Variants in NBPF26 observed in about 807,000 individuals in gnomAD.
NBPF26 encodes NBPF member 26.
NBPF26 carries 79 observed loss-of-function variants against 119.6 expected under a neutral mutation model. That is an observed-to-expected ratio of 0.66 (90% CI 0.55 to 0.80). The LOEUF (loss-of-function observed/expected upper bound fraction) is 0.80, where lower values mean the gene tolerates loss of function less well. Ranked by LOEUF, NBPF26 falls within the 30% of genes least tolerant of loss-of-function variation. The pLI is 0.00. For missense variants in NBPF26, 800 were observed against 1,198.2 expected, an observed-to-expected ratio of 0.67 and a Z score of 4.91; for synonymous variants, 299 against 457.7, an observed-to-expected ratio of 0.65 and a Z score of 4.43.
At chr1:120,805,033 CTG>C (rs1452276810) in intron 4 of NBPF26, among the ~76,000 whole-genome samples, 5 of 120,204 alleles carry the variant, frequency 4.2e-5, no homozygotes, top group Non-Finnish European at 8.3e-5. Context: ...TGTTGGGAAA[CTG>C]TTTCTGCCTT....
Position 120,807,832 on chromosome 1 carries a change from G to A in NBPF26, c.1064+123G>A, listed in dbSNP as rs1459289903. The A allele has an allele frequency of 7.5e-6, 4 of 533,098 alleles. No homozygotes were observed. The South Asian group carries it at 8.2e-5, about 11-fold the overall frequency. 33.0% of individuals were successfully genotyped at this position (533,098 alleles called of 1,614,324 possible). The stretch of plus-strand genomic sequence containing the variant: ...GGAAGGGCAGGAATTGCCATGGCAG[G>A]CTCGCTACACACAAATATTTATCAA... On this transcript the variant is annotated intron_variant, in intron 6 of 29. Coordinates refer to ENST00000620612, the Ensembl canonical transcript of NBPF26.
At chr1:120,833,192 T>A (rs1218583922) in intron 23 of NBPF26, among the ~76,000 whole-genome samples, 1 of 118,182 alleles carries the variant, frequency 8.5e-6, no homozygotes, top group African/African-American at 4.6e-5. Context: ...TTGACCATAC[T>A]TCAAAAGCTG....
At position 120,793,800 on chromosome 1, in the gene NBPF26, G is replaced by T. The variant is rs1226930762; in HGVS notation, c.751+304G>T. On this transcript the variant is annotated intron_variant, in intron 4 of 29. Coordinates refer to ENST00000620612, the Ensembl canonical transcript of NBPF26. ...TCTGGGAAAGAGACAGGCAAGTCTG[G>T]AATGGAAAAGAACACGATGAGAATT... The T allele has an allele frequency of 1.3e-4, 128 of 996,130 alleles. 28 individuals are homozygous for T. The highest frequency in any genetic ancestry group is 1.6e-4 in the Non-Finnish European group (111 of 677,404). 61.7% of individuals were successfully genotyped at this position (996,130 alleles called of 1,614,324 possible). A position where few individuals can be genotyped will look rare whatever the true frequency, so the allele number is the denominator to read the frequency against.
intron 2 of NBPF26, among the ~76,000 whole-genome samples, chr1:120,781,582 GAGA>G: frequency 3.9e-5 from 1 of 25,806 alleles, no homozygotes; most frequent in African/African-American, 5.5e-4. Context: ...TTTTTTTTTT[GAGA>G]GGGAGTCTCG....
In NBPF26 at chr1:120,794,245, G is replaced by A. The variant is rs1651530468; in HGVS notation, c.751+749G>A. Among the ~76,000 whole-genome samples the A allele has an allele frequency of 2.6e-5, 3 of 113,390 alleles. 1 individual carries two copies. Among genetic ancestry groups the A allele is most frequent in the African/African-American group, 5.3e-5 (1 of 18,792 alleles). 74.4% of individuals were successfully genotyped at this position (113,390 alleles called of 152,430 possible). ...GAAATAAAAAGAGGAGCAGTGTCGGGGAGCTTGGGGCCTGGTGTTCCATGG... is the reference window on the plus strand; with the variant it reads ...GAAATAAAAAGAGGAGCAGTGTCGGAGAGCTTGGGGCCTGGTGTTCCATGG... On this transcript the variant is annotated intron_variant, in intron 4 of 29. Coordinates refer to ENST00000620612, the Ensembl canonical transcript of NBPF26.
intron 2 of NBPF26, among the ~76,000 whole-genome samples, chr1:120,783,860 A>G (rs1373564077): frequency 4.6e-5 from 5 of 107,648 alleles, no homozygotes; most frequent in South Asian, 2.8e-4. Flanking sequence ...TTAAAACGGT[A>G]CATGGAGTGG....
At position 120,777,603 on chromosome 1, in the gene NBPF26, G is replaced by T. The variant is rs1175764545; in HGVS notation, c.156-7371G>T. ...CTATACACAAATACTTTTTTTTAAA[G>T]TTCTTTTTGTTTTTCCTTCTTGCTG... On this transcript the variant is annotated intron_variant, in intron 2 of 29. Transcript: ENST00000620612. Among the ~76,000 whole-genome samples, 2 of 87,106 alleles carry T rather than the reference G, an allele frequency of 2.3e-5. 1 individual carries two copies. Among genetic ancestry groups the T allele is most frequent in the Non-Finnish European group, 4.1e-5 (2 of 49,070 alleles). The allele number at this position is 87,106 out of a possible 152,430, so 57.1% of individuals were successfully genotyped here. A position where few individuals can be genotyped will look rare whatever the true frequency, so the allele number is the denominator to read the frequency against.
chr1:120,824,020 G>A (rs1553272415), exon 18 of NBPF26: 6 of 696,046 alleles, frequency 8.6e-6, no homozygotes, highest in East Asian at 2.6e-5. Flanking sequence ...AGTCTTGCAG[G>A]ACTCACTGGA....
chr1:120,823,752 C>CTGTGTGTGTG (rs1177031452), intron 17 of NBPF26, among the ~76,000 whole-genome samples: 14,848 of 73,070 alleles, frequency 0.2, 2,899 homozygotes, highest in Middle Eastern at 0.25. Flanking sequence ...TGAGCTCGCT[C>CTGTGTGTGTG]TGTGTGTGTG....
chr1:120,789,692 G>T (rs1211054057), intron 3 of NBPF26, among the ~76,000 whole-genome samples: 1 of 69,736 alleles, frequency 1.4e-5, no homozygotes, highest in Non-Finnish European at 2.5e-5. Flanking sequence ...ATCAAAAGGT[G>T]TTGGTGGGGT....
chr1:120,819,177 A>G (rs1429483385), intron 15 of NBPF26, among the ~76,000 whole-genome samples: 2 of 124,280 alleles, frequency 1.6e-5, no homozygotes, highest in East Asian at 2.0e-4. Context: ...TAGGGTGCAT[A>G]TATATTTAGG....
intron 1 of NBPF26, among the ~76,000 whole-genome samples, chr1:120,760,180 CTTTTTTTTTTT>C (rs1161423259): frequency 6.6e-5 from 1 of 15,172 alleles, no homozygotes; most frequent in African/African-American, 7.3e-4. Flanking sequence ...TCTACCACAG[CTTTTTTTTTTT>C]TTTTTTTTTT....
At chr1:120,757,848 TACTC>T (rs1358197077) in intron 1 of NBPF26, among the ~76,000 whole-genome samples, 1 of 28,180 alleles carries the variant, frequency 3.5e-5, no homozygotes, top group Non-Finnish European at 6.3e-5. Flanking sequence ...TTGCTTCAAA[TACTC>T]AGAAAAGACG....
Position 120,822,087 on chromosome 1 carries a change from C to T in NBPF26, c.2424-17C>T, listed in dbSNP as rs1437712914. Reference sequence around the variant, plus strand: ...TGGTTAAATCTTCTGTCATCCCTGTCCTGCCTGGCTCATCAGGAATCTGCA... The same window carrying T: ...TGGTTAAATCTTCTGTCATCCCTGTTCTGCCTGGCTCATCAGGAATCTGCA... On this transcript the variant is annotated splice_polypyrimidine_tract_variant and intron_variant, in intron 15 of 29. Transcript: ENST00000620612. 12 of 1,447,430 alleles carry T rather than the reference C, an allele frequency of 8.3e-6. 2 individuals are homozygous for T. Among genetic ancestry groups the T allele is most frequent in the Non-Finnish European group, 1.1e-5 (12 of 1,082,000 alleles). The allele number at this position is 1,447,430 out of a possible 1,614,324, so 89.7% of individuals were successfully genotyped here. A position where few individuals can be genotyped will look rare whatever the true frequency, so the allele number is the denominator to read the frequency against.
intron 7 of NBPF26, among the ~76,000 whole-genome samples, chr1:120,809,377 C>T: frequency 1.3e-5 from 2 of 149,712 alleles, no homozygotes; most frequent in African/African-American, 5.0e-5. Context: ...GCAGAAGCCA[C>T]ATGGAGGGCC....
At chr1:120,819,100 T>A (rs1652075692) in intron 15 of NBPF26, among the ~76,000 whole-genome samples, 1 of 125,224 alleles carries the variant, frequency 8.0e-6, no homozygotes, top group East Asian at 2.0e-4. Context: ...CCCATGATGA[T>A]TTTGTGGAGT....
rs1484875401 is a variant in NBPF26, at chr1:120,811,874, T to C, written c.1565-12T>C. The C allele has an allele frequency of 9.7e-6, 8 of 820,932 alleles. 1 individual carries two copies. The Admixed American group carries it at 1.6e-4, about 17-fold the overall frequency. 50.9% of individuals were successfully genotyped at this position (820,932 alleles called of 1,614,324 possible). A position where few individuals can be genotyped will look rare whatever the true frequency, so the allele number is the denominator to read the frequency against. Reference sequence around the variant, plus strand: ...TTTTAACCCATCATGTGTTTGCCTTTCTTCTCCCCAGTCCCTGGCCCCACC... The same window carrying C: ...TTTTAACCCATCATGTGTTTGCCTTCCTTCTCCCCAGTCCCTGGCCCCACC... On this transcript the variant is annotated splice_polypyrimidine_tract_variant and intron_variant, in intron 9 of 29. Coordinates refer to ENST00000620612, the Ensembl canonical transcript of NBPF26.
exon 30 of NBPF26, chr1:120,840,366 A>C: frequency 1.4e-6 from 2 of 1,457,852 alleles, no homozygotes; most frequent in South Asian, 2.4e-5. Context: ...CAGCATGCTG[A>C]TGGAAGTGGA....
In NBPF26 at chr1:120,784,292, T is replaced by C. The variant is rs1166559791; in HGVS notation, c.156-682T>C. Among the ~76,000 whole-genome samples, 3 of 117,956 alleles carry C rather than the reference T, an allele frequency of 2.5e-5. 1 individual carries two copies. The highest frequency in any genetic ancestry group is 4.9e-5 in the Non-Finnish European group (3 of 61,326). The allele number at this position is 117,956 out of a possible 152,430, so 77.4% of individuals were successfully genotyped here. On this transcript the variant is annotated intron_variant, in intron 2 of 29. Coordinates refer to ENST00000620612, the Ensembl canonical transcript of NBPF26. ...ACCGGCTTTAGGAGAGTAAGTCTGT[T>C]GTACCTCATATGTAAGTATTATCCC... is the stretch of plus-strand genomic sequence containing the variant.
Sources: gnomAD v4.1 joint callset for allele counts (sites outside exome capture counted in the v4.1 genomes callset) on GRCh38, gnomAD v4.1.1 for gene constraint, MANE v1.5 for transcripts, NCBI Gene and HGNC (gene_info 2026-07-23, HGNC 2026-07-21) for gene names.